NXPE2: variants seen among roughly 807,000 people sequenced by gnomAD.
NXPE2 encodes the protein NXPE family member 2.
NXPE2 carries 34 observed loss-of-function variants against 34.4 expected under a neutral mutation model. That is an observed-to-expected ratio of 0.99 (90% CI 0.75 to 1.31). The LOEUF is 1.31. Ranked by LOEUF, NXPE2 falls within the 40% of genes most tolerant of loss-of-function variation. The pLI is 0.00. For synonymous variants in NXPE2, 235 were observed against 231.3 expected (o/e 1.02, Z -0.15); for missense variants, 649 against 672.5 (o/e 0.97, Z 0.39).
At chr11:114,686,874 G>A (rs1251362042) in intron 2 of NXPE2, among the ~76,000 whole-genome samples, 2 of 152,118 alleles carry the variant, frequency 1.3e-5, no homozygotes, top group African/African-American at 4.8e-5. Context: ...TACTAGTGAT[G>A]TTGAGCATTT....
At chr11:114,480,230 T>C in the NXPE2 span, among the ~76,000 whole-genome samples, 1 of 97,486 alleles carries the variant, frequency 1.0e-5, no homozygotes, top group African/African-American at 5.3e-5. Context: ...GCCAGAGCAA[T>C]GTCAGACTGT....
chr11:114,651,913 C>G, the NXPE2 span, among the ~76,000 whole-genome samples: 1 of 152,142 alleles, frequency 6.6e-6, no homozygotes, highest in Non-Finnish European at 1.5e-5. Context: ...AAACAGAAAC[C>G]ATAAACAAAA....
At chr11:114,478,609 G>T in the NXPE2 span, among the ~76,000 whole-genome samples, 2 of 152,118 alleles carry the variant, frequency 1.3e-5, no homozygotes, top group Admixed American at 1.3e-4. Context: ...TCTCACTGGA[G>T]ACTAGAGAAG....
chr11:114,500,126 G>C, the NXPE2 span, among the ~76,000 whole-genome samples: 1 of 151,534 alleles, frequency 6.6e-6, no homozygotes, highest in Non-Finnish European at 1.5e-5. Flanking sequence ...ATTTTTTGGG[G>C]GTGCATATTT....
At chr11:114,727,232 C>T in the NXPE2 span, among the ~76,000 whole-genome samples, 2 of 152,052 alleles carry the variant, frequency 1.3e-5, no homozygotes, top group African/African-American at 4.8e-5. Context: ...GCTTCAGTGG[C>T]TAGAAGTCTG....
the NXPE2 span, chr11:114,583,125 AT>A: frequency 1.6e-6 from 2 of 1,233,340 alleles, no homozygotes; most frequent in Non-Finnish European, 2.3e-6. Context: ...GTTCCTAGTC[AT>A]TTTTACTTAT....
At chr11:114,565,021 A>G in the NXPE2 span, among the ~76,000 whole-genome samples, 1 of 152,212 alleles carries the variant, frequency 6.6e-6, no homozygotes, top group African/African-American at 2.4e-5. Context: ...TTGTATTGAT[A>G]TCATTGTCTA....
the NXPE2 span, among the ~76,000 whole-genome samples, chr11:114,645,320 T>TA: frequency 6.6e-6 from 1 of 151,662 alleles, no homozygotes; most frequent in Non-Finnish European, 1.5e-5. Flanking sequence ...TAAGTAAAAA[T>TA]AAAAAAACCC....
the NXPE2 span, among the ~76,000 whole-genome samples, chr11:114,511,102 T>G: frequency 1.3e-5 from 2 of 152,174 alleles, no homozygotes; most frequent in Admixed American, 1.3e-4. Flanking sequence ...TAAACATTGT[T>G]GGCGACCTAC....
At chr11:114,663,670 C>CTATT in the NXPE2 span, among the ~76,000 whole-genome samples, 42 of 113,834 alleles carry the variant, frequency 3.7e-4, no homozygotes, top group East Asian at 5.0e-4. Flanking sequence ...TATCTATCAT[C>CTATT]TATCTATTTA....
At chr11:114,616,916 T>A in the NXPE2 span, among the ~76,000 whole-genome samples, 1 of 146,618 alleles carries the variant, frequency 6.8e-6, no homozygotes, top group Non-Finnish European at 1.5e-5. Flanking sequence ...GTAACCACTG[T>A]TACCTGGTGG....
At chr11:114,703,000 A>G (rs184802108) in intron 3 of NXPE2, among the ~76,000 whole-genome samples, 50 of 152,312 alleles carry the variant, frequency 3.3e-4, no homozygotes, top group African/African-American at 1.2e-3. Flanking sequence ...AGTGAATTCA[A>G]TTTGGCTGGA....
chr11:114,643,818 AT>A, the NXPE2 span, among the ~76,000 whole-genome samples: 1 of 152,034 alleles, frequency 6.6e-6, no homozygotes, highest in African/African-American at 2.4e-5. Flanking sequence ...TGGTAGCTTG[AT>A]GGGGATAGCA....
At chr11:114,552,847 C>T in the NXPE2 span, 1 of 970,520 alleles carries the variant, frequency 1.0e-6, no homozygotes, top group Non-Finnish European at 1.2e-6. Context: ...ATACTGGGTA[C>T]TTACCCAATA....
the NXPE2 span, among the ~76,000 whole-genome samples, chr11:114,541,528 G>A: frequency 5.3e-5 from 8 of 152,300 alleles, no homozygotes; most frequent in East Asian, 5.8e-4. Context: ...TGACACAGCC[G>A]TCAGGAGGTC....
chr11:114,490,752 G>C, the NXPE2 span, among the ~76,000 whole-genome samples: 2 of 152,174 alleles, frequency 1.3e-5, no homozygotes, highest in Non-Finnish European at 2.9e-5. Flanking sequence ...AAAAACCCTA[G>C]AAGAAAACCT....
At chr11:114,722,997 G>T in the NXPE2 span, among the ~76,000 whole-genome samples, 758 of 152,200 alleles carry the variant, frequency 5.0e-3, 4 homozygotes, top group African/African-American at 0.018. Flanking sequence ...GATTTAAATG[G>T]TATGAAACTA....
chr11:114,650,593 G>T, the NXPE2 span, among the ~76,000 whole-genome samples: 1 of 152,196 alleles, frequency 6.6e-6, no homozygotes, highest in African/African-American at 2.4e-5. Flanking sequence ...ACACTGCAAA[G>T]GGAGGAGGTG....
At chr11:114,783,086 C>T in the NXPE2 span, among the ~76,000 whole-genome samples, 1 of 152,178 alleles carries the variant, frequency 6.6e-6, no homozygotes, top group African/African-American at 2.4e-5. Flanking sequence ...CGGCTCCCTG[C>T]AAAGTCCAAA....
Sources: gnomAD v4.1 joint callset for allele counts (sites outside exome capture counted in the v4.1 genomes callset) on GRCh38, gnomAD v4.1.1 for gene constraint, MANE v1.5 for transcripts, NCBI Gene and HGNC (gene_info 2026-07-23, HGNC 2026-07-21) for gene names.